The following ULK1 variants were observed in gnomAD, a reference collection of about 807,000 sequenced individuals.
ULK1 encodes serine/threonine-protein kinase ULK1.
Under a neutral mutation model 117.5 loss-of-function variants are expected in ULK1, and 48 were observed. The observed-to-expected ratio is 0.41, with a 90% CI of 0.32 to 0.52. The LOEUF is 0.52. Among genes scored for constraint, ULK1 ranks in the 20% least tolerant of loss-of-function variants. The pLI is 0.29. For synonymous variants in ULK1, 790 were observed against 637.8 expected, an observed-to-expected ratio of 1.24 and a Z score of -3.60; for missense variants, 1,387 against 1,473.4, an observed-to-expected ratio of 0.94 and a Z score of 0.96.
chr12:131,907,583 C>T (rs1255538923), intron 5 of ULK1, 52 bp downstream of exon 5: 4 of 1,581,242 alleles, frequency 2.5e-6, no homozygotes, highest in Admixed American at 1.7e-5. Flanking sequence ...ACAGGGCCCG[C>T]ACCCAGGGCC....
rs765091212 is a variant in ULK1, at chr12:131,916,514, G to C, written c.1995G>C (p.Ser665=). The change falls in exon 20 of 28, where the codon TCG becomes TCC. Residue 665 remains serine, a synonymous_variant. Transcript: ENST00000321867. ...PPRNRTLPDL[S]EVGPFHGQPL... Reference sequence around the variant, plus strand: ...GAAACCGGACGCTGCCCGACCTCTCGGAGGTGGGACCCTTCCATGGTCAGC... The same window carrying C: ...GAAACCGGACGCTGCCCGACCTCTCCGAGGTGGGACCCTTCCATGGTCAGC... 5 of 1,611,712 alleles carry C rather than the reference G, an allele frequency of 3.1e-6. 1 individual carries two copies. Among genetic ancestry groups the C allele is most frequent in the Non-Finnish European group, 3.4e-6 (4 of 1,179,786 alleles).
At chr12:131,914,267 G>A (rs1889673704) in intron 15 of ULK1, 85 bp from the exon 16 acceptor site, 1 of 1,563,498 alleles carries the variant, frequency 6.4e-7, no homozygotes, top group African/African-American at 1.3e-5. Context: ...TCTGGGCCTA[G>A]GCTTTCTTCT....
chr12:131,907,352 T>G, intron 4 of ULK1, 143 bp from the exon 5 acceptor site: 1 of 993,504 alleles, frequency 1.0e-6, no homozygotes, highest in Middle Eastern at 2.5e-4. Context: ...CAGCAGGGAC[T>G]GTGGGGACAC....
rs1461986189 is a variant in ULK1 at position 131,921,381 on chromosome 12, C to T, written c.*20C>T. ...GCCTGACCTTTCTGGCCTGGCTGGG[C>T]CCCCCGTCCTGCCGAGCCCTGCAGA... On this transcript the variant is annotated 3_prime_UTR_variant, in exon 28 of 28. Transcript: ENST00000321867. 8.1e-6 allele frequency: 13 copies of T among 1,601,242 alleles called. No homozygotes were observed. The highest frequency in any genetic ancestry group is 1.0e-5 in the Non-Finnish European group (12 of 1,179,834).
rs77188001 is a variant in ULK1, at chr12:131,916,108, C to A, written c.1827C>A (p.Pro609=). 6 of 1,612,596 alleles carry A rather than the reference C, an allele frequency of 3.7e-6. No individual in the cohort carries two copies. Among genetic ancestry groups the A allele is most frequent in the Non-Finnish European group, 5.1e-6 (6 of 1,179,878 alleles). The change falls in exon 19 of 28, where the codon CCC becomes CCA. Residue 609 remains proline (P), a synonymous_variant. Transcript: ENST00000321867. ...ACCTGCGGGGCTCACCCAAGCTGCC[C>A]GACTTCCTGCAGCGAAACCCCCTGC... ...CRNLRGSPKL[P]DFLQRNPLPP...
chr12:131,914,269 C>G lies in ULK1; in HGVS notation c.1248-83C>G. On this transcript the variant is annotated intron_variant, in intron 15 of 27. Transcript: ENST00000321867. ...CCTAACTAGGAAGTCTGGGCCTAGG[C>G]TTTCTTCTGGTGCCCCAGCTCCATG... 2.6e-6 allele frequency: 4 copies of G among 1,565,270 alleles called. No individual in the cohort carries two copies. The South Asian group carries it at 3.5e-5, about 14-fold the overall frequency.
chr12:131,922,405 A>G lies in ULK1; in HGVS notation c.*1044A>G, dbSNP rs1478052442. 2 of 204,730 alleles carry G rather than the reference A, an allele frequency of 9.8e-6. No homozygotes were observed. Among genetic ancestry groups the G allele is most frequent in the African/African-American group, 2.3e-5 (1 of 42,580 alleles). 12.7% of individuals were successfully genotyped at this position (204,730 alleles called of 1,614,324 possible). On this transcript the variant is annotated 3_prime_UTR_variant, in exon 28 of 28. Transcript: ENST00000321867. ...TGGAAGCAGATGAGGGGAATACTTCATGCAAAGAAAAAAGTAACATGTGCA... is the reference window on the plus strand; with the variant it reads ...TGGAAGCAGATGAGGGGAATACTTCGTGCAAAGAAAAAAGTAACATGTGCA...
intron 16 of ULK1, 151 bp from the exon 17 acceptor site, chr12:131,914,932 C>A: frequency 8.4e-7 from 1 of 1,185,672 alleles, no homozygotes; most frequent in Non-Finnish European, 1.1e-6. Flanking sequence ...GATGAGCCAT[C>A]TGTCAGCACT....
Position 131,921,846 on chromosome 12 carries a change from C to T in ULK1, c.*485C>T. 2.2e-6 allele frequency: 1 copy of T among 464,082 alleles called. No individual in the cohort carries two copies. The highest frequency in any genetic ancestry group is 1.5e-5 in the South Asian group (1 of 64,610). The allele number at this position is 464,082 out of a possible 1,614,324, so 28.7% of individuals were successfully genotyped here. On this transcript the variant is annotated 3_prime_UTR_variant, in exon 28 of 28. Transcript: ENST00000321867. ...TTGTCAATCACCCAAGCACTTTATG[C>T]ATATAGAGACAGAACCTGGACCTCA...
rs903350297 is a variant in ULK1 at position 131,902,469 on chromosome 12, T to G, written c.247-4423T>G. ...GGCTCTGGCCGGCCGTGGGTGCGTGTGTGCAGGGTGTGGGGGCCGGCCTGC... is the reference window on the plus strand; with the variant it reads ...GGCTCTGGCCGGCCGTGGGTGCGTGGGTGCAGGGTGTGGGGGCCGGCCTGC... On this transcript the variant is annotated intron_variant, in intron 3 of 27. Transcript: ENST00000321867. This position sits in a 1 kb window ranked among gnomAD's most constrained non-coding sequence, Gnocchi z 6.3. Among the ~76,000 whole-genome samples the G allele has an allele frequency of 1.3e-5, 2 of 152,036 alleles. No individual in the cohort carries two copies. The highest frequency in any genetic ancestry group is 4.8e-5 in the African/African-American group (2 of 41,360).
intron 3 of ULK1, 43 bp from the exon 4 acceptor site, chr12:131,906,849 C>G (rs773804266): frequency 1.9e-6 from 3 of 1,613,564 alleles, no homozygotes; most frequent in Non-Finnish European, 2.5e-6. Context: ...CAGTGGGGCC[C>G]GGTGGCACTG....
intron 3 of ULK1, chr12:131,897,657 GGATCACACCTGT>G (rs990466050): frequency 3.3e-5 from 5 of 152,106 alleles, no homozygotes; most frequent in African/African-American, 1.2e-4. Context: ...CAGGCACAGT[GGATCACACCTGT>G]GACCCTAGCA....
intron 22 of ULK1, 94 bp downstream of exon 22, chr12:131,917,648 C>T: frequency 2.5e-6 from 3 of 1,222,288 alleles, no homozygotes; most frequent in South Asian, 2.9e-5. Flanking sequence ...CACTGGACTA[C>T]AGCCCCCCAG....
In ULK1 at chr12:131,908,737, G is replaced by A. The variant is rs751254383; in HGVS notation, c.410G>A (p.Arg137His). 2 of 1,608,652 alleles carry A rather than the reference G, an allele frequency of 1.2e-6. No individual in the cohort carries two copies. Among genetic ancestry groups the A allele is most frequent in the Non-Finnish European group, 1.7e-6 (2 of 1,178,644 alleles). The change falls in exon 6 of 28, where the codon CGC becomes CAC. Residue 137 changes from arginine to histidine, a missense_variant. Arg to His is a conservative substitution (Grantham distance 29, BLOSUM62 0). Transcript: ENST00000321867. ...RLLHSKGIIHRDLKPQNILLS... is the reference protein window; with the variant it reads ...RLLHSKGIIHHDLKPQNILLS... ...CTGCACAGCAAAGGCATCATCCACC[G>A]CGACCTGAAACCGCAGAACATCCTG...
intron 11 of ULK1, 135 bp downstream of exon 11, chr12:131,910,439 C>A (rs1889482490): frequency 2.9e-6 from 4 of 1,396,570 alleles, no homozygotes; most frequent in South Asian, 2.3e-5. Flanking sequence ...GAGGGCAGGA[C>A]ACCCGGCTCC....
At chr12:131,901,667 G>A (rs1182307960) in intron 3 of ULK1, among the ~76,000 whole-genome samples, 1 of 152,232 alleles carries the variant, frequency 6.6e-6, no homozygotes, top group African/African-American at 2.4e-5. Context: ...CTCCGTGGGT[G>A]ACAGGAGTTG....
At position 131,923,106 on chromosome 12, in the gene ULK1, A is replaced by G. The variant is rs1890221152; in HGVS notation, c.*1745A>G. ...TGTGTGATTTCCTGCCCTTTGCGTT[A>G]TATTGTATAATACCAACGTAAGGAA... is the stretch of plus-strand genomic sequence containing the variant. On this transcript the variant is annotated 3_prime_UTR_variant, in exon 28 of 28. Coordinates refer to ENST00000321867, the MANE Select transcript of ULK1 (RefSeq NM_003565.4). 1 of 152,192 alleles carries G rather than the reference A, an allele frequency of 6.6e-6. No individual in the cohort carries two copies. The highest frequency in any genetic ancestry group is 2.4e-5 in the African/African-American group (1 of 41,448). The allele number at this position is 152,192 out of a possible 1,614,324, so 9.4% of individuals were successfully genotyped here.
rs2136382563 is a variant in ULK1 at position 131,902,263 on chromosome 12, G to C, written c.247-4629G>C. 6.6e-6 allele frequency among the ~76,000 whole-genome samples: 1 copy of C among 152,326 alleles called. No individual in the cohort carries two copies. Among genetic ancestry groups the C allele is most frequent in the Admixed American group, 6.5e-5 (1 of 15,310 alleles). On this transcript the variant is annotated intron_variant, in intron 3 of 27. Transcript: ENST00000321867. The surrounding 1 kb of genome is among the most constrained non-coding windows in gnomAD (Gnocchi z 6.3). ...TGGCTTTTGCCACTTTCCGGAGCCA[G>C]CTCTGGAGGTGTGAACTAGGTCAGT...
chr12:131,921,128 TC>T lies in ULK1; in HGVS notation c.2992del (p.Gln998SerfsTer48). On this transcript the variant is annotated frameshift_variant, in exon 27 of 28. Coordinates refer to ENST00000321867, the MANE Select transcript of ULK1 (RefSeq NM_003565.4). LOFTEE classifies it high-confidence loss of function. ...MVQSAALDEMFQHREGCVPRY... is the reference protein window; with the variant it reads ...MVQSAALDEMXQHREGCVPRY... Reference sequence around the variant, plus strand: ...CAGTCGGCTGCCCTGGACGAGATGTTCCAGCACCGTGAGGGCTGCGTCCCAC... The same window carrying T: ...CAGTCGGCTGCCCTGGACGAGATGTTCAGCACCGTGAGGGCTGCGTCCCAC... 6.2e-7 allele frequency: 1 copy of T among 1,602,192 alleles called. No individual in the cohort carries two copies. The highest frequency in any genetic ancestry group is 8.5e-7 in the Non-Finnish European group (1 of 1,179,420).
Sources: allele counts gnomAD v4.1 joint callset (sites outside exome capture counted in the v4.1 genomes callset), GRCh38; gene constraint gnomAD v4.1.1; non-coding constraint Gnocchi (gnomAD v3.1); transcripts MANE v1.5; gene names NCBI Gene and HGNC (gene_info 2026-07-23, HGNC 2026-07-21).